PEBP4: variants seen among roughly 807,000 people sequenced by gnomAD.
The protein encoded by PEBP4 is phosphatidylethanolamine-binding protein 4.
In PEBP4, 22 loss-of-function variants were observed where a neutral mutation model predicts 23.9. That is an observed-to-expected ratio of 0.92 (90% CI 0.66 to 1.31). PEBP4 has a LOEUF of 1.31. Among genes scored for constraint, PEBP4 ranks in the 40% most tolerant of loss-of-function variants. The probability of loss-of-function intolerance (pLI) is 0.00; values close to 1 mark genes in which losing one functional copy is unlikely to be tolerated. For missense variants in PEBP4, 324 were observed against 281.7 expected (o/e 1.15, Z -1.07); for synonymous variants, 112 against 99.3 (o/e 1.13, Z -0.76).
intron 4 of PEBP4, among the ~76,000 whole-genome samples, chr8:22,795,111 TTATATATATGTGTG>T (rs1316861616): frequency 7.7e-6 from 1 of 130,134 alleles, no homozygotes; most frequent in Non-Finnish European, 1.6e-5. Flanking sequence ...TTAAATTATT[TTATATATATGTGTG>T]TATATATATG....
intron 5 of PEBP4, among the ~76,000 whole-genome samples, chr8:22,725,476 G>C (rs1055210646): frequency 6.6e-6 from 1 of 152,136 alleles, no homozygotes; most frequent in African/African-American, 2.4e-5. Context: ...GATCATGGGA[G>C]CTGTAGGAGC....
At chr8:22,911,530 T>C (rs1035663408) in intron 3 of PEBP4, among the ~76,000 whole-genome samples, 1 of 152,180 alleles carries the variant, frequency 6.6e-6, no homozygotes, top group East Asian at 1.9e-4. Flanking sequence ...TAACACATGA[T>C]ACTGCTCTTC....
intron 4 of PEBP4, among the ~76,000 whole-genome samples, chr8:22,777,230 C>T (rs1211415768): frequency 6.6e-6 from 1 of 152,156 alleles, no homozygotes; most frequent in East Asian, 1.9e-4. Flanking sequence ...CCCTGAGTTC[C>T]CCCTCCTCTA....
chr8:22,776,132 C>T (rs963554346), intron 4 of PEBP4, among the ~76,000 whole-genome samples: 3 of 152,194 alleles, frequency 2.0e-5, no homozygotes, highest in Admixed American at 6.5e-5. Context: ...TAGAAAGCCT[C>T]GTGAGGGGCA....
At chr8:22,886,236 A>G (rs565990565) in intron 3 of PEBP4, 1 of 152,340 alleles carries the variant, frequency 6.6e-6, no homozygotes, top group African/African-American at 2.4e-5. Flanking sequence ...AGAAGCGGCC[A>G]CCAACCATGG....
intron 4 of PEBP4, among the ~76,000 whole-genome samples, chr8:22,733,933 G>A (rs1214053505): frequency 1.3e-5 from 2 of 152,100 alleles, no homozygotes; most frequent in African/African-American, 4.8e-5. Context: ...AGGGAGAGTA[G>A]AGGGAGAAAT....
intron 3 of PEBP4, among the ~76,000 whole-genome samples, chr8:22,859,298 C>T (rs183599214): frequency 3.1e-4 from 47 of 152,282 alleles, no homozygotes; most frequent in Non-Finnish European, 5.6e-4. Context: ...GCCAGTAATT[C>T]GCCGAGTGTT....
At chr8:22,878,357 T>C (rs541738445) in intron 3 of PEBP4, among the ~76,000 whole-genome samples, 2 of 152,068 alleles carry the variant, frequency 1.3e-5, no homozygotes, top group African/African-American at 2.4e-5. Flanking sequence ...CAGACCAGCA[T>C]GGGCTCTGCG....
At chr8:22,903,792 CT>C (rs1449496366) in intron 3 of PEBP4, among the ~76,000 whole-genome samples, 1 of 152,206 alleles carries the variant, frequency 6.6e-6, no homozygotes, top group Non-Finnish European at 1.5e-5. Flanking sequence ...GGAAAGTGCC[CT>C]TGCAACTGGG....
At chr8:22,854,960 GCAAGCT>G (rs1807610540) in intron 3 of PEBP4, among the ~76,000 whole-genome samples, 1 of 126,398 alleles carries the variant, frequency 7.9e-6, no homozygotes, top group African/African-American at 2.7e-5. Context: ...GTGTGTGCGT[GCAAGCT>G]TGTCCAAATG....
intron 3 of PEBP4, chr8:22,883,883 T>C (rs1189446555): frequency 6.6e-6 from 1 of 152,028 alleles, no homozygotes; most frequent in Non-Finnish European, 1.5e-5. Context: ...GATTACTGTA[T>C]ACTATTTGCG....
At chr8:22,866,192 CTA>C (rs1807898763) in intron 3 of PEBP4, among the ~76,000 whole-genome samples, 2 of 152,234 alleles carry the variant, frequency 1.3e-5, no homozygotes, top group African/African-American at 4.8e-5. Flanking sequence ...AAATGGGAGA[CTA>C]AGAAAACTTA....
At chr8:22,722,897 G>A (rs1320245716) in intron 6 of PEBP4, among the ~76,000 whole-genome samples, 3 of 151,512 alleles carry the variant, frequency 2.0e-5, no homozygotes, top group Non-Finnish European at 2.9e-5. Context: ...CTCAGCCTCC[G>A]GAGTAGCTGG....
chr8:22,927,998 C>G (rs1809388465), upstream of PEBP4: 2 of 393,050 alleles, frequency 5.1e-6, no homozygotes, highest in African/African-American at 4.2e-5. Flanking sequence ...TCACTCTTGT[C>G]CTGGCTGCCA....
chr8:22,745,704 G>A (rs1230679695), intron 4 of PEBP4: 1 of 152,248 alleles, frequency 6.6e-6, no homozygotes, highest in Non-Finnish European at 1.5e-5. Flanking sequence ...AGAGCAAGGT[G>A]AGAGGATCCC....
intron 3 of PEBP4, among the ~76,000 whole-genome samples, chr8:22,837,406 A>G (rs1418022927): frequency 6.6e-6 from 1 of 152,220 alleles, no homozygotes; most frequent in Non-Finnish European, 1.5e-5. Flanking sequence ...AGCTACCAAC[A>G]TGAGGTGAGT....
chr8:22,810,713 T>TGTGAGA (rs1481451051), intron 4 of PEBP4, among the ~76,000 whole-genome samples: 11 of 126,280 alleles, frequency 8.7e-5, no homozygotes, highest in African/African-American at 1.6e-4. Context: ...TGTGTGTGTG[T>TGTGAGA]GAGAGAGAGA....
intron 3 of PEBP4, among the ~76,000 whole-genome samples, chr8:22,910,104 C>T (rs553864128): frequency 6.6e-6 from 1 of 152,350 alleles, no homozygotes; most frequent in South Asian, 2.1e-4. Context: ...CAGCTGCACT[C>T]TCCTGCTGAT....
chr8:22,773,016 T>C (rs906190114), intron 4 of PEBP4, among the ~76,000 whole-genome samples: 1 of 151,930 alleles, frequency 6.6e-6, no homozygotes, highest in Non-Finnish European at 1.5e-5. Context: ...CATCTTGGCC[T>C]TCCCCACCCC....
Sources: allele counts gnomAD v4.1 joint callset (sites outside exome capture counted in the v4.1 genomes callset), GRCh38; gene constraint gnomAD v4.1.1; transcripts MANE v1.5; gene names NCBI Gene and HGNC (gene_info 2026-07-23, HGNC 2026-07-21).